Variants in GLYATL1B observed in about 807,000 individuals in gnomAD.
GLYATL1B encodes glycine-N-acyltransferase like 1B, also known as putative glycine N-acyltransferase-like protein 1B.
In GLYATL1B, 6 loss-of-function variants were observed where a neutral mutation model predicts 5.5. That is an observed-to-expected ratio of 1.09 (90% CI 0.60 to 2.15). The LOEUF (loss-of-function observed/expected upper bound fraction) is 2.15. Among genes scored for constraint, GLYATL1B ranks in the 30% most tolerant of loss-of-function variants. The pLI, the probability that GLYATL1B is intolerant of heterozygous loss-of-function variation, is 0.00. For missense variants in GLYATL1B, 135 were observed against 94.1 expected, an observed-to-expected ratio of 1.43 and a Z score of -1.80; for synonymous variants, 67 against 34.9, an observed-to-expected ratio of 1.92 and a Z score of -3.24.
chr11:59,087,234 A>G (rs1859209421), intron 2 of GLYATL1B, 63 bp downstream of exon 2: 5 of 475,060 alleles, frequency 1.1e-5, no homozygotes, highest in East Asian at 3.1e-5. Context: ...GAACTGTCCA[A>G]TTCAGACACC....
At chr11:59,088,784 A>G (rs1467425106) in intron 2 of GLYATL1B, among the ~76,000 whole-genome samples, 1 of 152,234 alleles carries the variant, frequency 6.6e-6, no homozygotes, top group Non-Finnish European at 1.5e-5. Flanking sequence ...AATGGAAAGA[A>G]TGAAATATGC....
chr11:59,088,016 T>G (rs1859226011), intron 2 of GLYATL1B, among the ~76,000 whole-genome samples: 3 of 152,200 alleles, frequency 2.0e-5, no homozygotes, highest in Non-Finnish European at 1.5e-5. Flanking sequence ...CTGAGAAATA[T>G]TCAGTCAGGT....
At chr11:59,093,880 G>C (rs990300428) in intron 3 of GLYATL1B, 54 bp from the exon 4 acceptor site, 1 of 597,078 alleles carries the variant, frequency 1.7e-6, no homozygotes, top group Admixed American at 2.8e-5. Flanking sequence ...GGTGTGAGCA[G>C]TGTAAGTAGA....
At chr11:59,092,363 T>C (rs1465395917) in intron 2 of GLYATL1B, among the ~76,000 whole-genome samples, 1 of 152,172 alleles carries the variant, frequency 6.6e-6, no homozygotes, top group Non-Finnish European at 1.5e-5. Context: ...TATTTTCTAG[T>C]CTACTTTGAT....
At chr11:59,091,518 A>G (rs2135382818) in intron 2 of GLYATL1B, among the ~76,000 whole-genome samples, 1 of 152,238 alleles carries the variant, frequency 6.6e-6, no homozygotes, top group Admixed American at 6.5e-5. Context: ...TAGAGTCCAT[A>G]GTGTCTATTG....
Position 59,089,484 on chromosome 11 carries a change from T to C in GLYATL1B, c.186+2313T>C, listed in dbSNP as rs187828719. Among the ~76,000 whole-genome samples, 386 of 152,304 alleles carry C rather than the reference T, an allele frequency of 2.5e-3. 1 individual carries two copies. Among genetic ancestry groups the C allele is most frequent in the South Asian group, 3.7e-3 (18 of 4,828 alleles). On this transcript the variant is annotated intron_variant, in intron 2 of 4. Coordinates refer to ENST00000527482, the MANE Select transcript of GLYATL1B (RefSeq NM_001355566.1). ...ATTAGCAATCTGTGGAAGAATTGTTTCCCACATTCTCATCAGCAGTGAATG... is the reference window on the plus strand; with the variant it reads ...ATTAGCAATCTGTGGAAGAATTGTTCCCCACATTCTCATCAGCAGTGAATG...
chr11:59,094,334 A>G, intron 4 of GLYATL1B, 35 bp from the exon 5 acceptor site: 2 of 494,960 alleles, frequency 4.0e-6, no homozygotes, highest in Non-Finnish European at 7.3e-6. Context: ...AGGAGTGGGG[A>G]TGAAAGTTGT....
intron 2 of GLYATL1B, among the ~76,000 whole-genome samples, chr11:59,089,391 A>G (rs1043180163): frequency 6.6e-6 from 1 of 152,224 alleles, no homozygotes; most frequent in Non-Finnish European, 1.5e-5. Flanking sequence ...AGTCCAAGTC[A>G]GAGCTTATCT....
At position 59,088,215 on chromosome 11, in the gene GLYATL1B, T is replaced by A. The variant is rs144525412; in HGVS notation, c.186+1044T>A. On this transcript the variant is annotated intron_variant, in intron 2 of 4. Coordinates refer to ENST00000527482, the MANE Select transcript of GLYATL1B (RefSeq NM_001355566.1). ...AAATGAGATACCACATGTCAAACAC[T>A]TAGTATATAGCACATAATTCTAAAT... 1.2e-3 allele frequency among the ~76,000 whole-genome samples: 177 copies of A among 152,316 alleles called. 6 individuals carry two copies. The East Asian group carries it at 0.029, about 25-fold the overall frequency.
At chr11:59,090,960 G>A (rs1333846347) in intron 2 of GLYATL1B, among the ~76,000 whole-genome samples, 1 of 152,016 alleles carries the variant, frequency 6.6e-6, no homozygotes, top group African/African-American at 2.4e-5. Flanking sequence ...CATTTTCATA[G>A]AAATTATATT....
chr11:59,087,342 T>C lies in GLYATL1B; in HGVS notation c.186+171T>C, dbSNP rs575444126. ...GAGTGCCACATGTTAACACTCTTCC[T>C]GTAAAGCATAAGACTCATTAGGGAA... is the stretch of plus-strand genomic sequence containing the variant. On this transcript the variant is annotated intron_variant, in intron 2 of 4. Coordinates refer to ENST00000527482, the MANE Select transcript of GLYATL1B (RefSeq NM_001355566.1). Among the ~76,000 whole-genome samples the C allele has an allele frequency of 4.8e-3, 727 of 151,048 alleles. 10 individuals are homozygous for C. In the South Asian group the frequency reaches 0.05, roughly 10 times the overall value.
rs1456883081 is a variant in GLYATL1B, at chr11:59,094,711, T to C, written c.834T>C (p.Ser278=). The C allele has an allele frequency of 4.4e-6, 2 of 457,584 alleles. No homozygotes were observed. Among genetic ancestry groups the C allele is most frequent in the Non-Finnish European group, 4.0e-6 (1 of 251,768 alleles). 28.3% of individuals were successfully genotyped at this position (457,584 alleles called of 1,614,324 possible). The change falls in exon 5 of 5, where the codon AGT becomes AGC. Residue 278 remains serine (S), a synonymous_variant. Transcript: ENST00000527482. The part of the protein sequence containing the change: ...EENQGVIRKT[S]ALGFLEASCQ... ...ATCAAGGCGTCATCAGAAAGACTAG[T>C]GCACTAGGTTTCCTTGAGGCCTCCT...
intron 2 of GLYATL1B, among the ~76,000 whole-genome samples, chr11:59,089,181 A>G (rs537978165): frequency 6.6e-6 from 1 of 152,306 alleles, no homozygotes; most frequent in East Asian, 1.9e-4. Flanking sequence ...GAATCAATAC[A>G]GCACTAACAT....
At position 59,094,177 on chromosome 11, in the gene GLYATL1B, A is replaced by G. The variant is rs971139709; in HGVS notation, c.491+66A>G. ...TTGTACATTTTTGTAATTCACATAA[A>G]TCAGTTTTGGAATGAAGAGAGGATG... On this transcript the variant is annotated intron_variant, in intron 4 of 4. Coordinates refer to ENST00000527482, the MANE Select transcript of GLYATL1B (RefSeq NM_001355566.1). 5.7e-6 allele frequency: 3 copies of G among 530,966 alleles called. No individual in the cohort carries two copies. The African/African-American group carries it at 5.9e-5, about 10-fold the overall frequency. 32.9% of individuals were successfully genotyped at this position (530,966 alleles called of 1,614,324 possible).
At chr11:59,086,737 T>C (rs1371208164) in intron 1 of GLYATL1B, among the ~76,000 whole-genome samples, 1 of 152,200 alleles carries the variant, frequency 6.6e-6, no homozygotes, top group Non-Finnish European at 1.5e-5. Flanking sequence ...TTTTCATTAA[T>C]AAAATGGGAA....
Position 59,086,413 on chromosome 11 carries a change from G to T in GLYATL1B, c.78+29G>T. On this transcript the variant is annotated intron_variant, in intron 1 of 4. Transcript: ENST00000527482. ...AAGGAACAGTGGGAGGTTGGGGTAT[G>T]GGAGTAGGGGTGTTGAGGATGAGAA... is the stretch of plus-strand genomic sequence containing the variant. 2 of 398,558 alleles carry T rather than the reference G, an allele frequency of 5.0e-6. 1 individual carries two copies. The highest frequency in any genetic ancestry group is 8.9e-6 in the Non-Finnish European group (2 of 225,652). 24.7% of individuals were successfully genotyped at this position (398,558 alleles called of 1,614,324 possible).
intron 1 of GLYATL1B, among the ~76,000 whole-genome samples, 185 bp from the exon 2 acceptor site, chr11:59,086,879 G>A (rs1223523202): frequency 6.6e-6 from 1 of 152,182 alleles, no homozygotes; most frequent in Non-Finnish European, 1.5e-5. Context: ...ACCTCCCTGT[G>A]AGTTCTGCCT....
chr11:59,088,468 C>G (rs944080858), intron 2 of GLYATL1B, among the ~76,000 whole-genome samples: 2 of 152,156 alleles, frequency 1.3e-5, no homozygotes, highest in African/African-American at 4.8e-5. Context: ...CTAATACCTT[C>G]CCCAGGGATG....
intron 2 of GLYATL1B, 123 bp from the exon 3 acceptor site, chr11:59,093,406 T>A (rs950315314): frequency 1.7e-4 from 68 of 395,720 alleles, no homozygotes; most frequent in African/African-American, 1.3e-3. Context: ...CGTGCCCAAC[T>A]GCAGCCATCG....
Sources: gnomAD v4.1 joint callset for allele counts (sites outside exome capture counted in the v4.1 genomes callset) on GRCh38, gnomAD v4.1.1 for gene constraint, MANE v1.5 for transcripts, NCBI Gene and HGNC (gene_info 2026-07-23, HGNC 2026-07-21) for gene names.